Variants in CPS1 observed in about 807,000 individuals in gnomAD.
CPS1 encodes carbamoyl-phosphate synthase [ammonia], mitochondrial.
CPS1 carries 109 observed loss-of-function variants against 174.6 expected under a neutral mutation model. The ratio of observed to expected loss-of-function variants is 0.62; its 90% CI spans 0.53 to 0.73. The LOEUF is 0.73. Ranked by LOEUF, CPS1 falls within the 30% of genes least tolerant of loss-of-function variation. The pLI, the probability that CPS1 is intolerant of heterozygous loss-of-function variation, is 0.00. For missense variants in CPS1, 1,689 were observed against 1,821.9 expected, an observed-to-expected ratio of 0.93 and a Z score of 1.33; for synonymous variants, 637 against 632.0, an observed-to-expected ratio of 1.01 and a Z score of -0.12.
At chr2:210,540,277 C>G (rs1334564029) in intron 1 of CPS1, among the ~76,000 whole-genome samples, 1 of 152,080 alleles carries the variant, frequency 6.6e-6, no homozygotes, top group African/African-American at 2.4e-5. Flanking sequence ...AATTCCAAAC[C>G]ACCCAAAAGA....
At chr2:210,576,574 T>C in intron 3 of CPS1, 84 bp downstream of exon 3, 1 of 1,442,672 alleles carries the variant, frequency 6.9e-7, no homozygotes, top group Admixed American at 1.7e-5. Context: ...TGGCCAAACT[T>C]TCTTCCTCAA....
intron 1 of CPS1, among the ~76,000 whole-genome samples, chr2:210,510,777 A>G (rs957710959): frequency 1.3e-5 from 2 of 152,236 alleles, no homozygotes; most frequent in Admixed American, 1.3e-4. Flanking sequence ...GACACATGAA[A>G]AAATGCTCAT....
At chr2:210,499,349 G>A (rs1213176655) in intron 1 of CPS1, among the ~76,000 whole-genome samples, 1 of 152,098 alleles carries the variant, frequency 6.6e-6, no homozygotes, top group Admixed American at 6.5e-5. Flanking sequence ...GCTGGTCCTG[G>A]CTGCAAGTCT....
intron 1 of CPS1, among the ~76,000 whole-genome samples, chr2:210,569,015 G>T (rs1332233448): frequency 6.6e-6 from 1 of 151,678 alleles, no homozygotes. Flanking sequence ...TAATCATTTA[G>T]AAACATTCTG....
At chr2:210,518,408 C>T (rs183495001) in intron 1 of CPS1, among the ~76,000 whole-genome samples, 60 of 152,106 alleles carry the variant, frequency 3.9e-4, no homozygotes, top group African/African-American at 1.2e-3. Flanking sequence ...CTATATTTCC[C>T]AACCATTCTT....
At chr2:210,484,063 T>A (rs1223625827) in intron 1 of CPS1, among the ~76,000 whole-genome samples, 1 of 152,142 alleles carries the variant, frequency 6.6e-6, no homozygotes, top group African/African-American at 2.4e-5. Context: ...ACAATGTGCA[T>A]AAATGTTATG....
upstream of CPS1, among the ~76,000 whole-genome samples, chr2:210,554,952 G>A (rs1696860843): frequency 6.6e-6 from 1 of 151,718 alleles, no homozygotes; most frequent in Admixed American, 6.6e-5. Context: ...AGTTCTCTAG[G>A]TTGGGAGTTT....
intron 20 of CPS1, among the ~76,000 whole-genome samples, chr2:210,613,975 GA>G (rs768125531): frequency 6.6e-6 from 1 of 151,860 alleles, no homozygotes; most frequent in African/African-American, 2.4e-5. Flanking sequence ...GGCTGAAGGG[GA>G]AAAAGAATGA....
chr2:210,675,188 A>T (rs1701485216), intron 35 of CPS1, among the ~76,000 whole-genome samples: 1 of 152,244 alleles, frequency 6.6e-6, no homozygotes, highest in Non-Finnish European at 1.5e-5. Context: ...AAAAACTGAG[A>T]AAGTTTAGCT....
At chr2:210,582,916 A>G (rs1033666331) in intron 6 of CPS1, among the ~76,000 whole-genome samples, 6 of 152,134 alleles carry the variant, frequency 3.9e-5, no homozygotes, top group African/African-American at 1.4e-4. Context: ...GGGAAACTTC[A>G]TGCCCCAATT....
intron 1 of CPS1, among the ~76,000 whole-genome samples, chr2:210,530,917 T>C (rs554456765): frequency 6.6e-6 from 1 of 152,074 alleles, no homozygotes; most frequent in Admixed American, 6.6e-5. Context: ...CAGTTAATTA[T>C]GCACAGTAAG....
chr2:210,644,612 T>C (rs1245535457), intron 25 of CPS1, among the ~76,000 whole-genome samples: 1 of 152,164 alleles, frequency 6.6e-6, no homozygotes, highest in Non-Finnish European at 1.5e-5. Flanking sequence ...CCATTTGTAA[T>C]GAGGCAAATA....
intron 21 of CPS1, among the ~76,000 whole-genome samples, chr2:210,626,023 TATC>T (rs2105880614): frequency 6.6e-6 from 1 of 152,254 alleles, no homozygotes; most frequent in African/African-American, 2.4e-5. Context: ...TATATCCTAA[TATC>T]ATCCCCCAAT....
At chr2:210,503,808 C>T (rs1226315257) in intron 1 of CPS1, among the ~76,000 whole-genome samples, 2 of 151,646 alleles carry the variant, frequency 1.3e-5, no homozygotes, top group African/African-American at 2.4e-5. Context: ...AATTTTATGC[C>T]GTATCAGGGA....
Position 210,573,216 on chromosome 2 carries a change from T to A in CPS1, c.127-82T>A, listed in dbSNP as rs899505118. On this transcript the variant is annotated intron_variant, in intron 1 of 37. Transcript: ENST00000233072. ...AAATATACTGTGCCTTTATTTAATA[T>A]GTCTGTGTATTTTACCTTTGGAATA... is the stretch of plus-strand genomic sequence containing the variant. The A allele has an allele frequency of 5.9e-6, 7 of 1,186,564 alleles. No individual in the cohort carries two copies. The African/African-American group carries it at 9.0e-5, about 15-fold the overall frequency. The allele number at this position is 1,186,564 out of a possible 1,614,324, so 73.5% of individuals were successfully genotyped here.
At position 210,576,234 on chromosome 2, in the gene CPS1, T is replaced by A. The variant is rs181440191; in HGVS notation, c.237-112T>A. The A allele has an allele frequency of 1.1e-4, 133 of 1,171,914 alleles. 1 individual carries two copies. Among genetic ancestry groups the A allele is most frequent in the Non-Finnish European group, 1.7e-4 (131 of 780,850 alleles). The allele number at this position is 1,171,914 out of a possible 1,614,324, so 72.6% of individuals were successfully genotyped here. ...GGTACGTTAAAATCTAGAGACATTC[T>A]TGTTGGATTCTTCTCATTTTCAAGG... On this transcript the variant is annotated intron_variant, in intron 2 of 37. Transcript: ENST00000233072.
intron 1 of CPS1, among the ~76,000 whole-genome samples, chr2:210,502,367 C>A (rs553655610): frequency 0.02 from 2,217 of 111,916 alleles, 58 homozygotes; most frequent in African/African-American, 0.057. Context: ...CTCTCTCTCT[C>A]TATATATATA....
intron 27 of CPS1, among the ~76,000 whole-genome samples, chr2:210,648,754 T>G (rs1222478326): frequency 6.6e-6 from 1 of 152,188 alleles, no homozygotes; most frequent in Non-Finnish European, 1.5e-5. Flanking sequence ...CTACAGTTCT[T>G]CATCTAGAAG....
chr2:210,639,836 G>T (rs902343641), intron 23 of CPS1, among the ~76,000 whole-genome samples, 160 bp from the exon 24 acceptor site: 2 of 152,092 alleles, frequency 1.3e-5, no homozygotes, highest in Non-Finnish European at 1.5e-5. Context: ...AGTAGGGCTT[G>T]TATAACACTT....
Sources: gnomAD v4.1 joint callset for allele counts (sites outside exome capture counted in the v4.1 genomes callset) on GRCh38, gnomAD v4.1.1 for gene constraint, MANE v1.5 for transcripts, NCBI Gene and HGNC (gene_info 2026-07-23, HGNC 2026-07-21) for gene names.